KCNIP1: variants seen among roughly 807,000 people sequenced by gnomAD.
KCNIP1 encodes the protein potassium voltage-gated channel interacting protein 1.
A neutral mutation model predicts 33.0 loss-of-function variants in KCNIP1; 18 were observed. The observed-to-expected ratio is 0.55, with a 90% CI of 0.38 to 0.81. The LOEUF is 0.81. Among genes scored for constraint, KCNIP1 ranks in the 30% least tolerant of loss-of-function variants. The probability of loss-of-function intolerance (pLI) is 0.00; values close to 1 mark genes in which losing one functional copy is unlikely to be tolerated. For missense variants in KCNIP1, 238 were observed against 271.6 expected (o/e 0.88, Z 0.87); for synonymous variants, 93 against 98.3 (o/e 0.95, Z 0.32).
At chr5:170,640,681 A>G (rs1202737359) in intron 1 of KCNIP1, among the ~76,000 whole-genome samples, 1 of 152,194 alleles carries the variant, frequency 6.6e-6, no homozygotes, top group Non-Finnish European at 1.5e-5. Context: ...ATGTTTACTA[A>G]AATCTCTCAG....
At chr5:170,450,092 T>C (rs1329089510) in intron 1 of KCNIP1, among the ~76,000 whole-genome samples, 1 of 151,980 alleles carries the variant, frequency 6.6e-6, no homozygotes, top group Admixed American at 6.6e-5. Context: ...GACTGCTCTC[T>C]TGGGGGAAAG....
At chr5:170,416,118 C>T (rs1280633445) in intron 1 of KCNIP1, among the ~76,000 whole-genome samples, 1 of 152,086 alleles carries the variant, frequency 6.6e-6, no homozygotes, top group Non-Finnish European at 1.5e-5. Flanking sequence ...AAGGTCCACC[C>T]CTGGCCCACT....
chr5:170,451,722 A>AT (rs1756254980), intron 1 of KCNIP1, among the ~76,000 whole-genome samples: 1 of 77,216 alleles, frequency 1.3e-5, no homozygotes, highest in Non-Finnish European at 2.8e-5. Flanking sequence ...CTTCTCCTGC[A>AT]TTGTGTGTGT....
At chr5:170,570,674 C>T (rs545883893) in intron 1 of KCNIP1, among the ~76,000 whole-genome samples, 1 of 152,364 alleles carries the variant, frequency 6.6e-6, no homozygotes, top group African/African-American at 2.4e-5. Context: ...ACTGTGGCCC[C>T]GTGCCAGGCG....
At chr5:170,427,149 C>A (rs1755633066) in intron 1 of KCNIP1, among the ~76,000 whole-genome samples, 1 of 152,188 alleles carries the variant, frequency 6.6e-6, no homozygotes, top group African/African-American at 2.4e-5. Flanking sequence ...GGTTCACCTG[C>A]CAAATGGAAA....
intron 1 of KCNIP1, among the ~76,000 whole-genome samples, chr5:170,435,364 G>C (rs1300302862): frequency 6.6e-6 from 1 of 152,216 alleles, no homozygotes; most frequent in Non-Finnish European, 1.5e-5. Context: ...TATTTCAGAG[G>C]TTCACTGCAA....
At chr5:170,653,241 T>A (rs1018103987) in intron 1 of KCNIP1, among the ~76,000 whole-genome samples, 2 of 152,210 alleles carry the variant, frequency 1.3e-5, no homozygotes, top group African/African-American at 4.8e-5. Flanking sequence ...TCTTGCCAAG[T>A]GTCCATGAGG....
In KCNIP1 at chr5:170,728,540, T is replaced by C. The variant is rs1445169795; in HGVS notation, c.436-4260T>C. Among the ~76,000 whole-genome samples, 3 of 152,168 alleles carry C rather than the reference T, an allele frequency of 2.0e-5. No homozygotes were observed. In the East Asian group the frequency reaches 5.8e-4, roughly 29 times the overall value. The stretch of plus-strand genomic sequence containing the variant: ...AGAAATTGTGTAGCCAATATATCAG[T>C]TGTGACTAGCTAGAAAATTGTAATA... On this transcript the variant is annotated intron_variant, in intron 5 of 7. Coordinates refer to ENST00000328939, the MANE Select transcript of KCNIP1 (RefSeq NM_014592.4).
chr5:170,408,740 C>T (rs1445498215), intron 1 of KCNIP1, among the ~76,000 whole-genome samples: 6 of 152,176 alleles, frequency 3.9e-5, no homozygotes, highest in Non-Finnish European at 8.8e-5. Context: ...TTGAAGAACG[C>T]TTTCTCTGCT....
intron 1 of KCNIP1, among the ~76,000 whole-genome samples, chr5:170,655,754 G>A (rs1340696571): frequency 6.6e-6 from 1 of 152,130 alleles, no homozygotes; most frequent in Non-Finnish European, 1.5e-5. Context: ...CATTCTGCTT[G>A]GGGAAATTTT....
At chr5:170,373,164 A>G (rs150039523) in intron 1 of KCNIP1, among the ~76,000 whole-genome samples, 2 of 152,370 alleles carry the variant, frequency 1.3e-5, no homozygotes, top group East Asian at 3.9e-4. Flanking sequence ...TGAGTTCTGC[A>G]TCAGAGGTGA....
chr5:170,661,840 C>T (rs17650294), intron 1 of KCNIP1, among the ~76,000 whole-genome samples: 8,326 of 152,304 alleles, frequency 0.055, 297 homozygotes, highest in Non-Finnish European at 0.081. Context: ...AGGAATCAGA[C>T]GCCAACCTGT....
intron 1 of KCNIP1, among the ~76,000 whole-genome samples, chr5:170,596,661 A>G (rs1420592854): frequency 6.6e-6 from 1 of 152,230 alleles, no homozygotes; most frequent in African/African-American, 2.4e-5. Context: ...GTGAACAGAC[A>G]CTGCTGGATA....
chr5:170,569,181 C>T (rs890550974), intron 1 of KCNIP1, among the ~76,000 whole-genome samples: 4 of 152,204 alleles, frequency 2.6e-5, no homozygotes, highest in African/African-American at 4.8e-5. Context: ...TTAGCAGTAA[C>T]CTGGAATATT....
chr5:170,591,958 T>C (rs1170974252), intron 1 of KCNIP1, among the ~76,000 whole-genome samples: 1 of 152,252 alleles, frequency 6.6e-6, no homozygotes, highest in African/African-American at 2.4e-5. Context: ...TTTGGATATG[T>C]ATCCAGAAGC....
Position 170,732,920 on chromosome 5 carries a change from C to T in KCNIP1, c.540+16C>T. ...CTTCTTCCAGGTAAGTGCACACACCCTGCACATGAGCTGTAAGCCCAGCCT... is the reference window on the plus strand; with the variant it reads ...CTTCTTCCAGGTAAGTGCACACACCTTGCACATGAGCTGTAAGCCCAGCCT... On this transcript the variant is annotated intron_variant, in intron 6 of 7. Coordinates refer to ENST00000328939, the MANE Select transcript of KCNIP1 (RefSeq NM_014592.4). 1 of 1,509,874 alleles carries T rather than the reference C, an allele frequency of 6.6e-7. No individual in the cohort carries two copies. The allele number at this position is 1,509,874 out of a possible 1,614,324, so 93.5% of individuals were successfully genotyped here.
At chr5:170,694,583 G>A (rs1762829962) in intron 1 of KCNIP1, among the ~76,000 whole-genome samples, 1 of 152,126 alleles carries the variant, frequency 6.6e-6, no homozygotes, top group African/African-American at 2.4e-5. Context: ...GCCACTCAAT[G>A]ACTAATAGCC....
At chr5:170,625,082 A>G (rs559507464) in intron 1 of KCNIP1, among the ~76,000 whole-genome samples, 1 of 151,996 alleles carries the variant, frequency 6.6e-6, no homozygotes, top group South Asian at 2.1e-4. Flanking sequence ...CAGCCACCCC[A>G]TTCAGAGCCT....
intron 1 of KCNIP1, among the ~76,000 whole-genome samples, chr5:170,566,135 T>G (rs867953197): frequency 2.6e-5 from 4 of 151,550 alleles, no homozygotes; most frequent in Middle Eastern, 3.2e-3. Context: ...TTCAAGCGAT[T>G]CTCCCGCCTC....
Sources: allele counts gnomAD v4.1 joint callset (sites outside exome capture counted in the v4.1 genomes callset), GRCh38; gene constraint gnomAD v4.1.1; transcripts MANE v1.5; gene names NCBI Gene and HGNC (gene_info 2026-07-23, HGNC 2026-07-21).